The following ATXN1 variants were observed in gnomAD, a reference collection of about 807,000 sequenced individuals.
The protein encoded by ATXN1 is ataxin 1, also known as ataxin-1.
ATXN1 carries 8 observed loss-of-function variants against 56.4 expected under a neutral mutation model. The ratio of observed to expected loss-of-function variants is 0.14; its 90% CI spans 0.08 to 0.26. The LOEUF (loss-of-function observed/expected upper bound fraction) is 0.26, where lower values mean the gene tolerates loss of function less well. ATXN1 is among the 10% of genes least tolerant of loss of function. The probability of loss-of-function intolerance (pLI) is 1.00; values close to 1 mark genes in which losing one functional copy is unlikely to be tolerated. For synonymous variants in ATXN1, 514 were observed against 494.6 expected, an observed-to-expected ratio of 1.04 and a Z score of -0.52; for missense variants, 987 against 1,106.5, an observed-to-expected ratio of 0.89 and a Z score of 1.53.
intron 6 of ATXN1, among the ~76,000 whole-genome samples, chr6:16,403,328 A>G (rs1333716146): frequency 1.3e-5 from 2 of 152,188 alleles, no homozygotes; most frequent in Non-Finnish European, 2.9e-5. Context: ...GCGTTTTCTA[A>G]GAAGAGGAAG....
intron 5 of ATXN1, among the ~76,000 whole-genome samples, chr6:16,507,366 G>C (rs960267695): frequency 1.3e-5 from 2 of 152,178 alleles, no homozygotes; most frequent in Non-Finnish European, 2.9e-5. Flanking sequence ...TGCAATGTCC[G>C]AAGGAACTCT....
intron 2 of ATXN1, among the ~76,000 whole-genome samples, chr6:16,711,513 CTATA>C (rs890480154): frequency 3.3e-5 from 5 of 151,250 alleles, no homozygotes; most frequent in Admixed American, 3.3e-4. Context: ...TAAATCCAGA[CTATA>C]TAAAGAACTC....
At chr6:16,344,355 G>A (rs534569154) in intron 6 of ATXN1, among the ~76,000 whole-genome samples, 1 of 152,188 alleles carries the variant, frequency 6.6e-6, no homozygotes, top group Non-Finnish European at 1.5e-5. Context: ...ATTATTCTTG[G>A]TTGTGTCTGT....
intron 4 of ATXN1, among the ~76,000 whole-genome samples, chr6:16,527,550 A>G (rs1467873392): frequency 6.6e-6 from 1 of 152,178 alleles, no homozygotes; most frequent in Non-Finnish European, 1.5e-5. Flanking sequence ...TCCATAACCA[A>G]TGGCAGGTGA....
chr6:16,346,784 TCTTGAGGAGCCCTTCAC>T (rs1239469689), intron 6 of ATXN1, among the ~76,000 whole-genome samples: 1 of 152,196 alleles, frequency 6.6e-6, no homozygotes, highest in East Asian at 1.9e-4. Flanking sequence ...CTTTGGCGGC[TCTTGAGGAGCCCTTCAC>T]CCCGCCGCTG....
intron 6 of ATXN1, among the ~76,000 whole-genome samples, chr6:16,371,601 T>G (rs1762044062): frequency 6.6e-6 from 1 of 152,202 alleles, no homozygotes; most frequent in Non-Finnish European, 1.5e-5. Context: ...CTGTTGCATC[T>G]AGAGTGCAGT....
At chr6:16,518,767 G>A (rs2113692391) in intron 5 of ATXN1, among the ~76,000 whole-genome samples, 1 of 151,940 alleles carries the variant, frequency 6.6e-6, no homozygotes, top group East Asian at 1.9e-4. Context: ...AGTCCAAAAC[G>A]CTAGACTGAG....
intron 3 of ATXN1, among the ~76,000 whole-genome samples, chr6:16,643,357 G>A (rs190975017): frequency 3.1e-4 from 47 of 151,580 alleles, no homozygotes; most frequent in African/African-American, 9.9e-4. Flanking sequence ...GGCCAGCTGC[G>A]GTGGCTCACG....
intron 6 of ATXN1, among the ~76,000 whole-genome samples, chr6:16,453,319 G>A (rs1054654541): frequency 3.3e-5 from 5 of 152,108 alleles, no homozygotes; most frequent in Non-Finnish European, 7.4e-5. Context: ...AAATTAGCTG[G>A]GCGTAGTGGC....
intron 4 of ATXN1, among the ~76,000 whole-genome samples, chr6:16,560,352 C>T (rs1023370359): frequency 4.0e-5 from 6 of 149,792 alleles, no homozygotes; most frequent in African/African-American, 7.4e-5. Context: ...ATCGTTTAAA[C>T]GGGGAGGCGG....
At chr6:16,759,613 T>A (rs954943874) in intron 1 of ATXN1, among the ~76,000 whole-genome samples, 1 of 149,910 alleles carries the variant, frequency 6.7e-6, no homozygotes, top group African/African-American at 2.5e-5. Context: ...ATTACCCTTT[T>A]ATCTGTAGGA....
intron 4 of ATXN1, among the ~76,000 whole-genome samples, chr6:16,534,621 A>T (rs1009117376): frequency 6.6e-6 from 1 of 152,090 alleles, no homozygotes; most frequent in African/African-American, 2.4e-5. Context: ...CTTGGCTCAT[A>T]AAAGTGCAAG....
intron 6 of ATXN1, among the ~76,000 whole-genome samples, chr6:16,423,258 T>C (rs1032210981): frequency 6.6e-6 from 1 of 152,192 alleles, no homozygotes; most frequent in African/African-American, 2.4e-5. Flanking sequence ...CTCACGGCCT[T>C]CTACTACGCA....
intron 6 of ATXN1, among the ~76,000 whole-genome samples, chr6:16,344,781 C>T (rs1761341685): frequency 6.6e-6 from 1 of 152,200 alleles, no homozygotes; most frequent in Non-Finnish European, 1.5e-5. Flanking sequence ...GTCAATATTC[C>T]TTAATAAACT....
At chr6:16,460,041 T>A (rs1759958829) in intron 6 of ATXN1, among the ~76,000 whole-genome samples, 1 of 151,918 alleles carries the variant, frequency 6.6e-6, no homozygotes, top group Non-Finnish European at 1.5e-5. Flanking sequence ...ATTAAAACAG[T>A]TGTGGGGGTT....
At chr6:16,752,835 T>C (rs984006616) in intron 2 of ATXN1, 5 of 169,068 alleles carry the variant, frequency 3.0e-5, no homozygotes, top group Non-Finnish European at 6.4e-5. Context: ...AACAAATAGG[T>C]CTCTGTTTTG....
intron 6 of ATXN1, among the ~76,000 whole-genome samples, chr6:16,336,668 G>A (rs972342629): frequency 2.0e-5 from 3 of 152,148 alleles, no homozygotes; most frequent in African/African-American, 7.2e-5. Flanking sequence ...GTTCAAGCCT[G>A]CAACCTGGCA....
intron 4 of ATXN1, among the ~76,000 whole-genome samples, chr6:16,576,076 G>T (rs928360593): frequency 5.4e-5 from 8 of 149,500 alleles, no homozygotes; most frequent in African/African-American, 2.0e-4. Flanking sequence ...TGCTTTTCTA[G>T]GAAAATTGGA....
intron 6 of ATXN1, among the ~76,000 whole-genome samples, chr6:16,477,233 T>C (rs1462041924): frequency 1.3e-5 from 2 of 152,222 alleles, no homozygotes; most frequent in Non-Finnish European, 2.9e-5. Context: ...GCCTAGGGGC[T>C]TCCACAGAGA....
Sources: allele counts gnomAD v4.1 joint callset (sites outside exome capture counted in the v4.1 genomes callset), GRCh38; gene constraint gnomAD v4.1.1; transcripts MANE v1.5; gene names NCBI Gene and HGNC (gene_info 2026-07-23, HGNC 2026-07-21).